The following KCNK7 variants were observed in gnomAD, a reference collection of about 807,000 sequenced individuals.
The protein encoded by KCNK7 is potassium channel subfamily K member 7.
Under a neutral mutation model 18.1 loss-of-function variants are expected in KCNK7, and 14 were observed. The observed-to-expected ratio is 0.77, with a 90% CI of 0.51 to 1.21. KCNK7 has a LOEUF of 1.21. KCNK7 is among the 50% of genes most tolerant of loss of function. The pLI is 0.00. For missense variants in KCNK7, 385 were observed against 387.3 expected, an observed-to-expected ratio of 0.99 and a Z score of 0.05; for synonymous variants, 188 against 184.7, an observed-to-expected ratio of 1.02 and a Z score of -0.15.
chr11:65,594,391 T>C (rs1417192801), intron 1 of KCNK7, among the ~76,000 whole-genome samples: 2 of 152,152 alleles, frequency 1.3e-5, no homozygotes, highest in Non-Finnish European at 2.9e-5. Flanking sequence ...GATCAGCTAA[T>C]ACAGAGCTGC....
intron 1 of KCNK7, among the ~76,000 whole-genome samples, chr11:65,595,178 A>C (rs1361665439): frequency 1.3e-5 from 2 of 152,052 alleles, no homozygotes. Context: ...TGTATCCCCT[A>C]TCTGGCCACA....
In KCNK7 at chr11:65,592,860, G is replaced by T; in HGVS notation, c.*145C>A. 1.1e-6 allele frequency: 1 copy of T among 929,814 alleles called. No individual in the cohort carries two copies. Among genetic ancestry groups the T allele is most frequent in the Non-Finnish European group, 1.6e-6 (1 of 638,658 alleles). 57.6% of individuals were successfully genotyped at this position (929,814 alleles called of 1,614,324 possible). On this transcript the variant is annotated 3_prime_UTR_variant, in exon 3 of 3. Transcript: ENST00000340313. Reference sequence around the variant, plus strand: ...ATAGTTGAAAATAGCCGAAGTCGTTGCTCATTTTATGATTAACAGTATCCT... The same window carrying T: ...ATAGTTGAAAATAGCCGAAGTCGTTTCTCATTTTATGATTAACAGTATCCT...
chr11:65,594,275 G>A (rs1207994233), intron 1 of KCNK7, among the ~76,000 whole-genome samples: 2 of 152,220 alleles, frequency 1.3e-5, no homozygotes. Context: ...TCTGGTGGGG[G>A]AGTCGGGCAG....
At position 65,592,884 on chromosome 11, in the gene KCNK7, CT is replaced by C; in HGVS notation, c.*120del. The stretch of plus-strand genomic sequence containing the variant: ...TGCTCATTTTATGATTAACAGTATC[CT>C]CTGAGGCCTCCCGCCCACCCTCACC... On this transcript the variant is annotated 3_prime_UTR_variant, in exon 3 of 3. Coordinates refer to ENST00000340313, the MANE Select transcript of KCNK7 (RefSeq NM_033347.2). 4.4e-6 allele frequency: 5 copies of C among 1,144,882 alleles called. No individual in the cohort carries two copies. The highest frequency in any genetic ancestry group is 6.1e-6 in the Non-Finnish European group (5 of 824,444). The allele number at this position is 1,144,882 out of a possible 1,614,324, so 70.9% of individuals were successfully genotyped here.
At chr11:65,595,349 CTGG>C in intron 1 of KCNK7, 102 bp downstream of exon 1, 1 of 1,076,454 alleles carries the variant, frequency 9.3e-7, no homozygotes. Flanking sequence ...TGGGCTCCAT[CTGG>C]CTCTTTGGGG....
At chr11:65,593,991 C>T in intron 1 of KCNK7, 117 bp from the exon 2 acceptor site, 3 of 1,110,152 alleles carry the variant, frequency 2.7e-6, no homozygotes. Flanking sequence ...CTTGAACTGG[C>T]CAGGCCCAGG....
In KCNK7 at chr11:65,593,114, C is replaced by T; in HGVS notation, c.815G>A (p.Ser272Asn). The T allele has an allele frequency of 6.2e-7, 1 of 1,613,942 alleles. No homozygotes were observed. Among genetic ancestry groups the T allele is most frequent in the Non-Finnish European group, 8.5e-7 (1 of 1,179,956 alleles). Residue 272 changes from serine to asparagine, a missense_variant, in exon 3 of 3, where the codon AGT becomes AAT. Physicochemically the swap from Ser to Asn is conservative, Grantham distance 46. Coordinates refer to ENST00000340313, the MANE Select transcript of KCNK7 (RefSeq NM_033347.2). ...TTGGTCCTCAGCAGTCACAGGACCACTGGGTCTGAAGAACTTCCCCATGGC... is the reference window on the plus strand; with the variant it reads ...TTGGTCCTCAGCAGTCACAGGACCATTGGGTCTGAAGAACTTCCCCATGGC... ...VRAMGKFFRPSGPVTAEDQGG... is the reference protein window; with the variant it reads ...VRAMGKFFRPNGPVTAEDQGG...
At chr11:65,594,607 C>T (rs1044772862) in intron 1 of KCNK7, among the ~76,000 whole-genome samples, 6 of 152,214 alleles carry the variant, frequency 3.9e-5, no homozygotes, top group African/African-American at 1.4e-4. Flanking sequence ...CAGTGGCTCA[C>T]ACCTGTAATC....
Position 65,593,502 on chromosome 11 carries a change from T to C in KCNK7, c.692A>G (p.Tyr231Cys), listed in dbSNP as rs559187716. 6.2e-7 allele frequency: 1 copy of C among 1,613,150 alleles called. No homozygotes were observed. Among genetic ancestry groups the C allele is most frequent in the Non-Finnish European group, 8.5e-7 (1 of 1,179,890 alleles). ...AAGAAGTGCGAGCTGGCCCAGGTGG[T>C]AAATCACGGGGTGCAGGCTGCGGCC... ...GRGRSLHPVIYHLGQLALLGY... is the reference protein window; with the variant it reads ...GRGRSLHPVICHLGQLALLGY... Residue 231 changes from tyrosine to cysteine, a missense_variant, in exon 2 of 3, where the codon TAC (tyrosine) becomes TGC (cysteine). Transcript: ENST00000340313.
intron 1 of KCNK7, among the ~76,000 whole-genome samples, chr11:65,595,167 T>C (rs1246760672): frequency 1.3e-5 from 2 of 152,198 alleles, no homozygotes; most frequent in Non-Finnish European, 2.9e-5. Flanking sequence ...TCCCACTGTA[T>C]TGTATCCCCT....
At position 65,593,779 on chromosome 11, in the gene KCNK7, T is replaced by G. The variant is rs1183903403; in HGVS notation, c.415A>C (p.Thr139Pro). ...GLPASLALVA[T>P]LRHCLLPVLS... Reference sequence around the variant, plus strand: ...ACAGGCAGCAGGCAATGGCGCAGGGTGGCCACGAGAGCTAAGGAGGCTGGC... The same window carrying G: ...ACAGGCAGCAGGCAATGGCGCAGGGGGGCCACGAGAGCTAAGGAGGCTGGC... Residue 139 changes from threonine (T) to proline (P), a missense_variant, in exon 2 of 3, where the codon ACC becomes CCC. By Grantham distance (38) the Thr-to-Pro change is conservative (BLOSUM62 -1). Transcript: ENST00000340313. The G allele has an allele frequency of 6.2e-7, 1 of 1,609,966 alleles. No homozygotes were observed. The highest frequency in any genetic ancestry group is 1.7e-5 in the Admixed American group (1 of 59,870).
Position 65,595,541 on chromosome 11 carries a change from C to G in KCNK7, c.232G>C (p.Val78Leu), listed in dbSNP as rs746969521. 5 of 1,578,850 alleles carry G rather than the reference C, an allele frequency of 3.2e-6. No homozygotes were observed. Among genetic ancestry groups the G allele is most frequent in the Admixed American group, 3.5e-5 (2 of 57,716 alleles). Residue 78 changes from valine to leucine, a missense_variant, in exon 1 of 3, where the codon GTC (valine) becomes CTC (leucine). Coordinates refer to ENST00000340313, the MANE Select transcript of KCNK7 (RefSeq NM_033347.2). ...GTALATQAHG[V>L]STLGNSSEGR... Reference sequence around the variant, plus strand: ...TCTGAGCTGTTGCCCAGGGTGGAGACCCCATGGGCCTGGGTGGCCAGGGCA... The same window carrying G: ...TCTGAGCTGTTGCCCAGGGTGGAGAGCCCATGGGCCTGGGTGGCCAGGGCA...
rs1381775138 is a variant in KCNK7 at position 65,593,550 on chromosome 11, A to T, written c.644T>A (p.Leu215Gln). The change falls in exon 2 of 3, where the codon CTG becomes CAG. Residue 215 changes from leucine to glutamine, a missense_variant. By Grantham distance (113) the Leu-to-Gln change is moderately radical. Transcript: ENST00000340313. ...FCFSSLSTIG[L>Q]EDLLPGRGRS... ...GCCGCGGCCGGGCAGCAAGTCCTCC[A>T]GGCCAATGGTGCTGAGCGAGCTGAA... The T allele has an allele frequency of 1.2e-6, 2 of 1,610,884 alleles. No homozygotes were observed. The highest frequency in any genetic ancestry group is 3.3e-5 in the Admixed American group (2 of 60,008).
rs1283660559 is a variant in KCNK7, at chr11:65,593,832, A to G, written c.362T>C (p.Phe121Ser). Reference protein sequence around the residue: ...MAPLSPGGKAFCMVYAALGLP... With the variant: ...MAPLSPGGKASCMVYAALGLP... The stretch of plus-strand genomic sequence containing the variant: ...CCCCAGGGCTGCATAGACCATGCAG[A>G]AGGCCTTTCCGCCTGGCGATAGTGG... The change falls in exon 2 of 3, where the codon TTC becomes TCC. Residue 121 changes from phenylalanine (F) to serine (S), a missense_variant. Phe to Ser is a radical substitution (Grantham distance 155). Coordinates refer to ENST00000340313, the MANE Select transcript of KCNK7 (RefSeq NM_033347.2). The G allele has an allele frequency of 6.4e-7, 1 of 1,562,648 alleles. No homozygotes were observed. The highest frequency in any genetic ancestry group is 1.9e-5 in the Admixed American group (1 of 52,110).
Position 65,593,824 on chromosome 11 carries a change from C to T in KCNK7, c.370G>A (p.Val124Ile), listed in dbSNP as rs751500403. 3 of 1,576,410 alleles carry T rather than the reference C, an allele frequency of 1.9e-6. No individual in the cohort carries two copies. Among genetic ancestry groups the T allele is most frequent in the Non-Finnish European group, 1.7e-6 (2 of 1,160,022 alleles). ...GCTGGCAGCCCCAGGGCTGCATAGA[C>T]CATGCAGAAGGCCTTTCCGCCTGGC... ...LSPGGKAFCM[V>I]YAALGLPASL... is the part of the protein sequence containing the mutation. Residue 124 changes from valine to isoleucine, a missense_variant, in exon 2 of 3, where the codon GTC becomes ATC. Val to Ile is a conservative substitution (Grantham distance 29). Transcript: ENST00000340313.
Position 65,592,969 on chromosome 11 carries a change from G to C in KCNK7, c.*36C>G, listed in dbSNP as rs371316174. The C allele has an allele frequency of 1.0e-5, 16 of 1,594,616 alleles. No homozygotes were observed. The highest frequency in any genetic ancestry group is 1.4e-5 in the Non-Finnish European group (16 of 1,171,112). On this transcript the variant is annotated 3_prime_UTR_variant, in exon 3 of 3. Transcript: ENST00000340313. ...CCTGGCTGCTTCCTCCTCAGGTGCC[G>C]CCACCTTACGGAGCTGAACTCGGTC...
At chr11:65,595,426 C>A in intron 1 of KCNK7, 28 bp downstream of exon 1, 1 of 1,414,042 alleles carries the variant, frequency 7.1e-7, no homozygotes, top group Non-Finnish European at 9.3e-7. Flanking sequence ...GAGCCGCACC[C>A]CCCGACTTGG....
At position 65,593,638 on chromosome 11, in the gene KCNK7, G is replaced by A; in HGVS notation, c.556C>T (p.Pro186Ser). The A allele has an allele frequency of 6.2e-7, 1 of 1,604,536 alleles. No individual in the cohort carries two copies. Among genetic ancestry groups the A allele is most frequent in the Non-Finnish European group, 8.5e-7 (1 of 1,179,270 alleles). The change falls in exon 2 of 3, where the codon CCA (proline) becomes TCA (serine). Residue 186 changes from proline to serine, a missense_variant. Coordinates refer to ENST00000340313, the MANE Select transcript of KCNK7 (RefSeq NM_033347.2). ...TGAAGGCCCCACAGCACCAGCGCTGGCAGCAGCACAAAGCTGCTGGCCACC... is the reference window on the plus strand; with the variant it reads ...TGAAGGCCCCACAGCACCAGCGCTGACAGCAGCACAAAGCTGCTGGCCACC... ...LLVASSFVLLPALVLWGLQGD... is the reference protein window; with the variant it reads ...LLVASSFVLLSALVLWGLQGD...
chr11:65,592,958 C>T lies in KCNK7; in HGVS notation c.*47G>A, dbSNP rs779555176. On this transcript the variant is annotated 3_prime_UTR_variant, in exon 3 of 3. Coordinates refer to ENST00000340313, the MANE Select transcript of KCNK7 (RefSeq NM_033347.2). ...CCCCAGCCACTCCTGGCTGCTTCCTCCTCAGGTGCCGCCACCTTACGGAGC... is the reference window on the plus strand; with the variant it reads ...CCCCAGCCACTCCTGGCTGCTTCCTTCTCAGGTGCCGCCACCTTACGGAGC... 6 of 1,585,774 alleles carry T rather than the reference C, an allele frequency of 3.8e-6. No homozygotes were observed. The highest frequency in any genetic ancestry group is 1.7e-5 in the Admixed American group (1 of 58,314).
Sources: gnomAD v4.1 joint callset for allele counts (sites outside exome capture counted in the v4.1 genomes callset) on GRCh38, gnomAD v4.1.1 for gene constraint, MANE v1.5 for transcripts, NCBI Gene and HGNC (gene_info 2026-07-23, HGNC 2026-07-21) for gene names.